Variants in UPF2 observed in about 807,000 individuals in gnomAD.
UPF2 encodes UPF2 regulator of nonsense mediated mRNA decay.
UPF2 carries 17 observed loss-of-function variants against 141.4 expected under a neutral mutation model. The observed-to-expected ratio is 0.12, with a 90% confidence interval of 0.08 to 0.18. The LOEUF is 0.18. Among genes scored for constraint, UPF2 ranks in the 10% least tolerant of loss-of-function variants. The probability of loss-of-function intolerance (pLI) is 1.00; values close to 1 mark genes in which losing one functional copy is unlikely to be tolerated. For synonymous variants in UPF2, 540 were observed against 498.0 expected, an observed-to-expected ratio of 1.08 and a Z score of -1.12; for missense variants, 1,152 against 1,515.9, an observed-to-expected ratio of 0.76 and a Z score of 3.99.
At chr10:12,018,559 G>A (rs1834264442) in intron 3 of UPF2, among the ~76,000 whole-genome samples, 2 of 151,778 alleles carry the variant, frequency 1.3e-5, no homozygotes, top group African/African-American at 2.4e-5. Flanking sequence ...CTAGCCTGGG[G>A]GACAGAGCAA....
intron 1 of UPF2, among the ~76,000 whole-genome samples, chr10:12,038,873 G>A (rs1834683775): frequency 6.6e-6 from 1 of 152,046 alleles, no homozygotes; most frequent in African/African-American, 2.4e-5. Flanking sequence ...ACGTTGCCCT[G>A]GCTGGTCTCA....
rs936225223 is a variant in UPF2, at chr10:11,939,544, G to A, written c.3379-2832C>T. On this transcript the variant is annotated intron_variant, in intron 18 of 21. Transcript: ENST00000357604. The surrounding 1 kb of genome is among the most constrained non-coding windows in gnomAD (Gnocchi z 4.8). ...TTTTTTTTTTTTAAGACGAAGTCTC[G>A]CTCTTGTCTCCCCCGGCTGGAGTGC... Among the ~76,000 whole-genome samples, 11 of 148,372 alleles carry A rather than the reference G, an allele frequency of 7.4e-5. No individual in the cohort carries two copies. The highest frequency in any genetic ancestry group is 2.3e-4 in the African/African-American group (9 of 39,938).
At chr10:12,022,859 C>T (rs187347474) in intron 3 of UPF2, among the ~76,000 whole-genome samples, 1 of 151,204 alleles carries the variant, frequency 6.6e-6, no homozygotes, top group African/African-American at 2.4e-5. Flanking sequence ...AAACCTCTGA[C>T]TTTTTTTTTA....
intron 9 of UPF2, among the ~76,000 whole-genome samples, chr10:11,974,331 A>T (rs1833470012): frequency 1.3e-5 from 2 of 152,132 alleles, no homozygotes; most frequent in South Asian, 4.1e-4. Flanking sequence ...AAACAGGGAC[A>T]ATTTGACTTC....
Position 11,948,425 on chromosome 10 carries a change from C to T in UPF2, c.3118G>A (p.Ala1040Thr), listed in dbSNP as rs750196659. ...EEDEEEEEGG[A>T]ETEEQSGNES... ...TTTCCAGATTGTTCTTCTGTTTCAG[C>T]CCCACCTTCTTCTTCTTCTTCATCC... is the stretch of plus-strand genomic sequence containing the variant. Residue 1040 changes from alanine (A) to threonine (T), a missense_variant, in exon 16 of 22, where the codon GCT becomes ACT. Ala to Thr is a moderately conservative substitution (Grantham distance 58). This residue lies in a region of UPF2 where 202 missense variants were observed against 223.6 expected (regional missense o/e 0.90). Transcript: ENST00000357604. 1.9e-6 allele frequency: 3 copies of T among 1,612,372 alleles called. No individual in the cohort carries two copies. The highest frequency in any genetic ancestry group is 2.2e-5 in the South Asian group (2 of 90,974).
At chr10:12,029,747 AGG>A (rs1834482816) in intron 2 of UPF2, among the ~76,000 whole-genome samples, 1 of 152,122 alleles carries the variant, frequency 6.6e-6, no homozygotes, top group Admixed American at 6.5e-5. Flanking sequence ...AGATCACCTG[AGG>A]TCAGGAGTTC....
At chr10:11,982,545 C>T (rs1377631105) in intron 8 of UPF2, among the ~76,000 whole-genome samples, 1 of 152,214 alleles carries the variant, frequency 6.6e-6, no homozygotes, top group African/African-American at 2.4e-5. Context: ...AAGGGAGTCC[C>T]AGTCTCCCTG....
chr10:12,007,140 AGATGT>A (rs2131274483), intron 4 of UPF2, among the ~76,000 whole-genome samples: 1 of 152,376 alleles, frequency 6.6e-6, no homozygotes, highest in East Asian at 1.9e-4. Flanking sequence ...AAAAGGAATG[AGATGT>A]ATCTACAAGA....
rs1263853869 is a variant in UPF2 at position 11,956,109 on chromosome 10, T to C, written c.2574+211A>G. 6.7e-6 allele frequency among the ~76,000 whole-genome samples: 1 copy of C among 148,760 alleles called. No individual in the cohort carries two copies. Among genetic ancestry groups the C allele is most frequent in the East Asian group, 2.0e-4 (1 of 5,094 alleles). On this transcript the variant is annotated intron_variant, in intron 13 of 21. Transcript: ENST00000357604. This position sits in a 1 kb window ranked among gnomAD's most constrained non-coding sequence, Gnocchi z 4.2. ...TTGCAGCGAGCGGAGATCGTGCCAG[T>C]GCACTCCAGCCTGGGTGACACAGCG...
Position 11,943,167 on chromosome 10 carries a change from T to G in UPF2, c.3176A>C (p.Glu1059Ala). 6.2e-7 allele frequency: 1 copy of G among 1,603,134 alleles called. No individual in the cohort carries two copies. The highest frequency in any genetic ancestry group is 8.5e-7 in the Non-Finnish European group (1 of 1,173,460). Residue 1059 changes from glutamate to alanine, a missense_variant and splice_region_variant, in exon 17 of 22, where the codon GAG becomes GCG. Glu to Ala is a moderately radical substitution (Grantham distance 107). Around this residue, in one of 4 missense-constraint regions of UPF2, gnomAD observed 202 missense variants for 223.6 expected, o/e 0.90. Coordinates refer to ENST00000357604, the MANE Select transcript of UPF2 (RefSeq NM_015542.4). ...ESEVNEPEEE[E>A]GSDNDDDEGE... is the part of the protein sequence containing the mutation. ...CTCATCATCATCATTATCAGAACCC[T>G]CCTGAAATTATTGAACATTAGAAGA...
chr10:12,020,634 C>T (rs888390869), intron 3 of UPF2, among the ~76,000 whole-genome samples: 1 of 152,228 alleles, frequency 6.6e-6, no homozygotes, highest in Non-Finnish European at 1.5e-5. Flanking sequence ...AGCTAACTAA[C>T]ATTTACTAAA....
upstream of UPF2, chr10:12,042,900 C>A (rs1196755635): frequency 6.6e-6 from 1 of 152,126 alleles, no homozygotes; most frequent in African/African-American, 2.4e-5. The surrounding 1 kb of genome is among the most constrained non-coding windows in gnomAD (Gnocchi z 5.5). Context: ...CCAGCCCTCC[C>A]GCCCGCCACT....
At position 11,931,428 on chromosome 10, in the gene UPF2, T is replaced by G. The variant is rs1832780662; in HGVS notation, c.3688+213A>C. Among the ~76,000 whole-genome samples the G allele has an allele frequency of 6.6e-6, 1 of 152,244 alleles. No individual in the cohort carries two copies. The highest frequency in any genetic ancestry group is 1.5e-5 in the Non-Finnish European group (1 of 68,046). On this transcript the variant is annotated intron_variant, in intron 20 of 21. Transcript: ENST00000357604. The surrounding 1 kb of genome is among the most constrained non-coding windows in gnomAD (Gnocchi z 5.9). ...TATCACCTTGCTTGCAAACGTAGCTTAGCAGTTTATACTCTAATTTAATTA... is the reference window on the plus strand; with the variant it reads ...TATCACCTTGCTTGCAAACGTAGCTGAGCAGTTTATACTCTAATTTAATTA...
At chr10:11,966,433 CTTTTTTTT>C (rs907972007) in intron 10 of UPF2, among the ~76,000 whole-genome samples, 21 of 151,568 alleles carry the variant, frequency 1.4e-4, no homozygotes, top group African/African-American at 4.8e-4. Context: ...TTCTTTTTTT[CTTTTTTTT>C]GAGACGGACT....
At chr10:11,972,613 A>G (rs945701834) in intron 9 of UPF2, among the ~76,000 whole-genome samples, 7 of 152,050 alleles carry the variant, frequency 4.6e-5, no homozygotes, top group African/African-American at 1.7e-4. Context: ...ATTCCCACCT[A>G]TGAGTGAGAA....
chr10:12,004,715 C>T lies in UPF2; in HGVS notation c.1319G>A (p.Gly440Glu). The change falls in exon 5 of 22, where the codon GGA (glycine) becomes GAA (glutamate). Residue 440 changes from glycine (G) to glutamate (E), a missense_variant. This residue lies in a region of UPF2 where 739 missense variants were observed against 1,032.2 expected (regional missense o/e 0.72). Transcript: ENST00000357604. ...DKPTPEEHGPGIDIFTPGKPG... is the reference protein window; with the variant it reads ...DKPTPEEHGPEIDIFTPGKPG... ...TTTACCAGGTGTGAATATATCAATT[C>T]CAGGCCCATGTTCTACAATAAAATA... The T allele has an allele frequency of 6.2e-7, 1 of 1,612,758 alleles. No homozygotes were observed.
chr10:12,018,577 T>C (rs1327311170), intron 3 of UPF2, among the ~76,000 whole-genome samples: 1 of 150,724 alleles, frequency 6.6e-6, no homozygotes, highest in Non-Finnish European at 1.5e-5. Context: ...CAAGACTCCA[T>C]CTCAAAAACA....
intron 19 of UPF2, among the ~76,000 whole-genome samples, chr10:11,932,497 AAC>A (rs1371902058): frequency 6.6e-6 from 1 of 152,192 alleles, no homozygotes; most frequent in Non-Finnish European, 1.5e-5. Flanking sequence ...GATGAACAAA[AAC>A]ACATTTTATG....
chr10:11,934,790 A>G (rs919527407), intron 19 of UPF2, among the ~76,000 whole-genome samples: 5 of 152,162 alleles, frequency 3.3e-5, no homozygotes, highest in African/African-American at 7.2e-5. Flanking sequence ...GGGTTTCACT[A>G]TGTTGGTCAG....
Sources: allele counts gnomAD v4.1 joint callset (sites outside exome capture counted in the v4.1 genomes callset), GRCh38; gene constraint gnomAD v4.1.1; regional missense constraint gnomAD v4.1.1; non-coding constraint Gnocchi (gnomAD v3.1); transcripts MANE v1.5; gene names NCBI Gene and HGNC (gene_info 2026-07-23, HGNC 2026-07-21).